PRKCD: variants seen among roughly 807,000 people sequenced by gnomAD.
PRKCD encodes protein kinase C delta, also known as protein kinase C delta type.
Under a neutral mutation model 82.2 loss-of-function variants are expected in PRKCD, and 20 were observed. The observed-to-expected ratio is 0.24, with a 90% CI of 0.17 to 0.35. PRKCD has a LOEUF of 0.35. Among genes scored for constraint, PRKCD ranks in the 10% least tolerant of loss-of-function variants. The pLI, the probability that PRKCD is intolerant of heterozygous loss-of-function variation, is 1.00. For synonymous variants in PRKCD, 317 were observed against 337.0 expected, an observed-to-expected ratio of 0.94 and a Z score of 0.65; for missense variants, 607 against 899.0, an observed-to-expected ratio of 0.68 and a Z score of 4.15.
At chr3:53,163,101 CAGAG>C (rs1702728571) in intron 1 of PRKCD, among the ~76,000 whole-genome samples, 1 of 151,468 alleles carries the variant, frequency 6.6e-6, no homozygotes, top group African/African-American at 2.4e-5. Context: ...GTGTGTGTGA[CAGAG>C]AGGTGTGGTG....
rs1163724399 is a variant in PRKCD at position 53,161,258 on chromosome 3, T to A, written c.-302T>A. On this transcript the variant is annotated 5_prime_UTR_variant, in exon 1 of 19. Coordinates refer to ENST00000330452, the MANE Select transcript of PRKCD (RefSeq NM_006254.4). ...GAGCCCGAGGCGGCTGTAGCCCACA[T>A]CTCCCGAGCGACCCCCGGCGCCCGC... 2.0e-5 allele frequency: 3 copies of A among 148,112 alleles called. No homozygotes were observed. The highest frequency in any genetic ancestry group is 7.4e-5 in the African/African-American group (3 of 40,470). The allele number at this position is 148,112 out of a possible 1,614,324, so 9.2% of individuals were successfully genotyped here.
At position 53,169,705 on chromosome 3, in the gene PRKCD, G is replaced by T. The variant is rs1380412518; in HGVS notation, c.-20+4490G>T. On this transcript the variant is annotated intron_variant, in intron 2 of 18. Transcript: ENST00000330452. This position sits in a 1 kb window ranked among gnomAD's most constrained non-coding sequence, Gnocchi z 4.7. Reference sequence around the variant, plus strand: ...ACAGGGAGGCTGGAGCCCCGGGAGGGGCAGTAGCTGGCCAGCCTCTGCCAG... The same window carrying T: ...ACAGGGAGGCTGGAGCCCCGGGAGGTGCAGTAGCTGGCCAGCCTCTGCCAG... Among the ~76,000 whole-genome samples, 10 of 152,160 alleles carry T rather than the reference G, an allele frequency of 6.6e-5. No individual in the cohort carries two copies. Among genetic ancestry groups the T allele is most frequent in the African/African-American group, 2.4e-4 (10 of 41,422 alleles).
At chr3:53,184,110 A>G (rs574903119) in intron 9 of PRKCD, among the ~76,000 whole-genome samples, 8 of 152,000 alleles carry the variant, frequency 5.3e-5, no homozygotes, top group Middle Eastern at 3.4e-3. Context: ...AGGCGGGCGG[A>G]TCATGAGGTT....
chr3:53,166,992 A>G (rs536450323), intron 2 of PRKCD, among the ~76,000 whole-genome samples: 4 of 152,354 alleles, frequency 2.6e-5, no homozygotes, highest in African/African-American at 7.2e-5. Context: ...TGGGGGTCCT[A>G]TCAACTCCTG....
rs1553668114 is a variant in PRKCD at position 53,183,137 on chromosome 3, C to A, written c.588C>A (p.Ile196=). 1.9e-6 allele frequency: 3 copies of A among 1,614,104 alleles called. No homozygotes were observed. Among genetic ancestry groups the A allele is most frequent in the Non-Finnish European group, 2.5e-6 (3 of 1,180,040 alleles). Residue 196 remains isoleucine, a synonymous_variant, in exon 8 of 19, where the codon ATC becomes ATA. Coordinates refer to ENST00000330452, the MANE Select transcript of PRKCD (RefSeq NM_006254.4). ...GYKCRQCNAA[I]HKKCIDKIIG... ...CTCTTCAAGAATGTAACGCTGCCAT[C>A]CACAAGAAATGCATCGACAAGATCA...
intron 8 of PRKCD, 123 bp downstream of exon 8, chr3:53,183,329 C>T: frequency 6.4e-7 from 1 of 1,572,682 alleles, no homozygotes; most frequent in South Asian, 1.2e-5. Flanking sequence ...TTAGTCTTTC[C>T]TTGCCTCTCC....
chr3:53,177,653 A>G (rs1703256068), intron 2 of PRKCD, among the ~76,000 whole-genome samples: 1 of 152,194 alleles, frequency 6.6e-6, no homozygotes, highest in Admixed American at 6.5e-5. Context: ...CCAGGTGACA[A>G]TGGCACATAC....
At position 53,161,376 on chromosome 3, in the gene PRKCD, G is replaced by C. The variant is rs1553662918; in HGVS notation, c.-184G>C. On this transcript the variant is annotated 5_prime_UTR_variant, in exon 1 of 19. Coordinates refer to ENST00000330452, the MANE Select transcript of PRKCD (RefSeq NM_006254.4). ...ACCCCGTCCGCGCGCGCCGGGGAGCGGCGCCCCCGCCGCTGCCGCCGCGAC... is the reference window on the plus strand; with the variant it reads ...ACCCCGTCCGCGCGCGCCGGGGAGCCGCGCCCCCGCCGCTGCCGCCGCGAC... 1 of 150,858 alleles carries C rather than the reference G, an allele frequency of 6.6e-6. No individual in the cohort carries two copies. Among genetic ancestry groups the C allele is most frequent in the Admixed American group, 6.6e-5 (1 of 15,142 alleles). The allele number at this position is 150,858 out of a possible 1,614,324, so 9.3% of individuals were successfully genotyped here. A position where few individuals can be genotyped will look rare whatever the true frequency, so the allele number is the denominator to read the frequency against.
intron 18 of PRKCD, among the ~76,000 whole-genome samples, 194 bp from the exon 19 acceptor site, chr3:53,191,914 A>T (rs1255148411): frequency 6.6e-6 from 1 of 152,170 alleles, no homozygotes; most frequent in Non-Finnish European, 1.5e-5. Flanking sequence ...CTCCCTGGTC[A>T]CTTTCCTCAT....
At position 53,183,184 on chromosome 3, in the gene PRKCD, C is replaced by T. The variant is rs782237403; in HGVS notation, c.635C>T (p.Ala212Val). Reference protein sequence around the residue: ...DKIIGRCTGTAANSRDTIFQK... With the variant: ...DKIIGRCTGTVANSRDTIFQK... ...ATCATCGGCAGATGCACTGGCACCGCGGCCAACAGCCGGGACACTATAGTG... is the reference window on the plus strand; with the variant it reads ...ATCATCGGCAGATGCACTGGCACCGTGGCCAACAGCCGGGACACTATAGTG... The change falls in exon 8 of 19, where the codon GCG becomes GTG. Residue 212 changes from alanine to valine, a missense_variant. This residue lies in a region of PRKCD where 109 missense variants were observed against 155.6 expected (regional missense o/e 0.70). Coordinates refer to ENST00000330452, the MANE Select transcript of PRKCD (RefSeq NM_006254.4). The T allele has an allele frequency of 2.0e-5, 32 of 1,614,194 alleles. No individual in the cohort carries two copies. Among genetic ancestry groups the T allele is most frequent in the African/African-American group, 2.7e-5 (2 of 75,062 alleles).
At chr3:53,165,626 C>T (rs976027987) in intron 2 of PRKCD, among the ~76,000 whole-genome samples, 1 of 152,202 alleles carries the variant, frequency 6.6e-6, no homozygotes, top group East Asian at 1.9e-4. Context: ...ACTGAAATTC[C>T]CCGTGGGCCC....
intron 4 of PRKCD, 148 bp downstream of exon 4, chr3:53,179,924 C>A: frequency 1.1e-6 from 1 of 942,702 alleles, no homozygotes; most frequent in Non-Finnish European, 1.6e-6. Flanking sequence ...CCAGTCCAGC[C>A]CTGTGGCCAA....
Position 53,192,358 on chromosome 3 carries a change from G to T in PRKCD, c.*92G>T. ...CAGTGGGACTGTGGTGACTTCTGCT[G>T]CTGGCCCCGCCCCTGCCCCCAGAGC... On this transcript the variant is annotated 3_prime_UTR_variant, in exon 19 of 19. Coordinates refer to ENST00000330452, the MANE Select transcript of PRKCD (RefSeq NM_006254.4). 1 of 1,483,004 alleles carries T rather than the reference G, an allele frequency of 6.7e-7. No homozygotes were observed. The highest frequency in any genetic ancestry group is 1.2e-5 in the South Asian group (1 of 83,250). The allele number at this position is 1,483,004 out of a possible 1,614,324, so 91.9% of individuals were successfully genotyped here. A position where few individuals can be genotyped will look rare whatever the true frequency, so the allele number is the denominator to read the frequency against.
Position 53,188,744 on chromosome 3 carries a change from G to T in PRKCD, c.1440G>T (p.Leu480=), listed in dbSNP as rs782332004. ...GGGACCTCAAACTGGACAATGTGCT[G>T]CTGGACCGGGATGGCCACATCAAGA... The part of the protein sequence containing the change: ...IYRDLKLDNV[L]LDRDGHIKIA... Residue 480 remains leucine, a synonymous_variant, in exon 16 of 19, where the codon CTG becomes CTT. Coordinates refer to ENST00000330452, the MANE Select transcript of PRKCD (RefSeq NM_006254.4). 2.5e-6 allele frequency: 4 copies of T among 1,614,098 alleles called. No individual in the cohort carries two copies. The Admixed American group carries it at 5.0e-5, about 20-fold the overall frequency.
chr3:53,183,908 C>G (rs1703566734), intron 9 of PRKCD, among the ~76,000 whole-genome samples: 1 of 152,234 alleles, frequency 6.6e-6, no homozygotes, highest in Non-Finnish European at 1.5e-5. Flanking sequence ...CCAGACAGGC[C>G]TCCCCTGCCC....
chr3:53,165,958 G>A (rs1702817933), intron 2 of PRKCD, among the ~76,000 whole-genome samples: 1 of 152,238 alleles, frequency 6.6e-6, no homozygotes, highest in Admixed American at 6.5e-5. Flanking sequence ...GTGACTGGGT[G>A]ACCGGGCCCC....
At chr3:53,184,768 C>A in intron 9 of PRKCD, 106 bp from the exon 10 acceptor site, 1 of 837,624 alleles carries the variant, frequency 1.2e-6, no homozygotes, top group Non-Finnish European at 2.0e-6. Context: ...ACCCAGCAGA[C>A]CCCACTGAAG....
chr3:53,170,499 T>G (rs4687571), intron 2 of PRKCD, among the ~76,000 whole-genome samples: 98,630 of 152,228 alleles, frequency 0.65, 32,518 homozygotes, highest in East Asian at 0.75. Context: ...CACCATAGCC[T>G]CAGGGCCCTG....
chr3:53,181,178 G>A (rs370824595), intron 4 of PRKCD, 29 bp from the exon 5 acceptor site: 46 of 1,610,134 alleles, frequency 2.9e-5, no homozygotes, highest in African/African-American at 4.0e-5. Context: ...CACTGACCTT[G>A]TTCTCCCCTG....
Sources: allele counts gnomAD v4.1 joint callset (sites outside exome capture counted in the v4.1 genomes callset), GRCh38; gene constraint gnomAD v4.1.1; regional missense constraint gnomAD v4.1.1; non-coding constraint Gnocchi (gnomAD v3.1); transcripts MANE v1.5; gene names NCBI Gene and HGNC (gene_info 2026-07-23, HGNC 2026-07-21).